Variants in NME7 observed in about 807,000 individuals in gnomAD.
NME7 encodes nucleoside diphosphate kinase 7.
A neutral mutation model predicts 49.1 loss-of-function variants in NME7; 41 were observed. The observed-to-expected ratio is 0.83, with a 90% CI of 0.65 to 1.08. NME7 has a LOEUF of 1.08. NME7 is among the 50% of genes least tolerant of loss of function. The pLI is 0.00. For missense variants in NME7, 423 were observed against 463.4 expected, an observed-to-expected ratio of 0.91 and a Z score of 0.80; for synonymous variants, 139 against 150.6, an observed-to-expected ratio of 0.92 and a Z score of 0.56.
intron 4 of NME7, 168 bp from the exon 5 acceptor site, chr1:169,303,363 T>A (rs1329725073): frequency 8.4e-6 from 3 of 355,226 alleles, no homozygotes; most frequent in South Asian, 1.7e-4. Flanking sequence ...TTTAAAATAT[T>A]TTTTAAGTAT....
At chr1:169,263,891 T>C (rs1410228654) in intron 7 of NME7, among the ~76,000 whole-genome samples, 2 of 132,972 alleles carry the variant, frequency 1.5e-5, no homozygotes, top group Non-Finnish European at 3.5e-5. Context: ...ATCAGAATAA[T>C]AGTGTACCTA....
chr1:169,270,262 C>T (rs1649448450), intron 7 of NME7, among the ~76,000 whole-genome samples: 1 of 133,884 alleles, frequency 7.5e-6, no homozygotes, highest in Admixed American at 7.4e-5. Flanking sequence ...AAATTTCTAA[C>T]AAAATTTCAG....
At chr1:169,285,047 A>C (rs1650217570) in intron 7 of NME7, 1 of 152,142 alleles carries the variant, frequency 6.6e-6, no homozygotes, top group Non-Finnish European at 1.5e-5. Flanking sequence ...ATGTATATGT[A>C]CACAAATATA....
chr1:169,200,062 T>C (rs1660503619), intron 10 of NME7, among the ~76,000 whole-genome samples: 1 of 150,630 alleles, frequency 6.6e-6, no homozygotes, highest in Non-Finnish European at 1.5e-5. Flanking sequence ...AGCACCCTGC[T>C]AGGTTACAAA....
chr1:169,281,426 T>A (rs557633718), intron 7 of NME7, among the ~76,000 whole-genome samples: 1 of 152,352 alleles, frequency 6.6e-6, no homozygotes, highest in South Asian at 2.1e-4. Flanking sequence ...CTTCTCTTCC[T>A]ATCTGAATAC....
At chr1:169,221,278 T>C (rs1005030866) in intron 10 of NME7, among the ~76,000 whole-genome samples, 3 of 152,224 alleles carry the variant, frequency 2.0e-5, no homozygotes, top group Non-Finnish European at 4.4e-5. Context: ...CTAGTAACAA[T>C]GATTCTTTTA....
intron 1 of NME7, among the ~76,000 whole-genome samples, chr1:169,343,413 A>G (rs540618258): frequency 6.6e-6 from 1 of 151,958 alleles, no homozygotes; most frequent in Non-Finnish European, 1.5e-5. Context: ...TCAATTTACC[A>G]TGAAGGGTTT....
chr1:169,155,754 A>T (rs1659048431), intron 11 of NME7, among the ~76,000 whole-genome samples: 1 of 139,162 alleles, frequency 7.2e-6, no homozygotes. Flanking sequence ...GGGTTTTATT[A>T]CTGTTTAGTT....
intron 7 of NME7, chr1:169,285,928 A>C (rs925116649): frequency 1.3e-5 from 2 of 152,200 alleles, no homozygotes; most frequent in African/African-American, 4.8e-5. Flanking sequence ...CCAGAGGAAA[A>C]GATTAGAGAT....
At chr1:169,354,180 T>C (rs1315727001) in intron 1 of NME7, among the ~76,000 whole-genome samples, 3 of 152,122 alleles carry the variant, frequency 2.0e-5, no homozygotes. Context: ...AAGGAAAATA[T>C]GGTACATATA....
intron 11 of NME7, among the ~76,000 whole-genome samples, chr1:169,152,515 T>C (rs1437032831): frequency 2.0e-5 from 3 of 152,170 alleles, no homozygotes; most frequent in Admixed American, 6.5e-5. Context: ...ATGATCATCA[T>C]TGCTTTTATT....
intron 7 of NME7, among the ~76,000 whole-genome samples, chr1:169,277,138 G>A (rs1288021341): frequency 6.6e-6 from 1 of 150,522 alleles, no homozygotes; most frequent in African/African-American, 2.4e-5. Context: ...TAGGTGTGGG[G>A]TGGTGCTGAA....
chr1:169,359,812 A>G (rs1365309445), intron 1 of NME7, among the ~76,000 whole-genome samples: 1 of 152,166 alleles, frequency 6.6e-6, no homozygotes, highest in Non-Finnish European at 1.5e-5. Context: ...GAGTATAGAA[A>G]TATGAAGAAG....
At chr1:169,364,480 A>G (rs1459800162) in intron 1 of NME7, among the ~76,000 whole-genome samples, 2 of 152,050 alleles carry the variant, frequency 1.3e-5, no homozygotes, top group African/African-American at 2.4e-5. Context: ...TCTTGGCCTC[A>G]AGCAATCCTC....
chr1:169,324,575 A>G (rs1218607570), intron 1 of NME7, 75 bp from the exon 2 acceptor site: 1 of 886,938 alleles, frequency 1.1e-6, no homozygotes, highest in Non-Finnish European at 1.8e-6. Context: ...ACACAAAATG[A>G]AATTACCAAT....
At position 169,326,589 on chromosome 1, in the gene NME7, G is replaced by A. The variant is rs36023090; in HGVS notation, c.4-2089C>T. Among the ~76,000 whole-genome samples, 8,364 of 152,232 alleles carry A rather than the reference G, an allele frequency of 0.055. 1,378 individuals are homozygous for A. In the East Asian group the frequency reaches 0.66, roughly 12 times the overall value. ...CAAAAGTGAGCTGAAACCTGTGCTT[G>A]TTCAGTAGAGCTTTTGGAAACGAAC... On this transcript the variant is annotated intron_variant, in intron 1 of 11. Coordinates refer to ENST00000367811, the MANE Select transcript of NME7 (RefSeq NM_013330.5).
intron 11 of NME7, among the ~76,000 whole-genome samples, chr1:169,140,506 T>A (rs1490508422): frequency 6.6e-6 from 1 of 152,142 alleles, no homozygotes; most frequent in Non-Finnish European, 1.5e-5. Context: ...AATACTTTTT[T>A]AAAAAGGACA....
chr1:169,314,065 A>C (rs1277628538), intron 3 of NME7, among the ~76,000 whole-genome samples: 2 of 108,126 alleles, frequency 1.8e-5, no homozygotes, highest in Non-Finnish European at 4.5e-5. Context: ...TTTTCAGATG[A>C]GTGCAAACTG....
At position 169,275,890 on chromosome 1, in the gene NME7, C is replaced by G. The variant is rs1387799676; in HGVS notation, c.754+11413G>C. Among the ~76,000 whole-genome samples, 4 of 133,388 alleles carry G rather than the reference C, an allele frequency of 3.0e-5. 2 individuals carry two copies. The highest frequency in any genetic ancestry group is 7.0e-5 in the Non-Finnish European group (4 of 56,760). 87.5% of individuals were successfully genotyped at this position (133,388 alleles called of 152,430 possible). ...TACCTAATTTATTGAGAGTTTTTAG[C>G]ATGAAGGGTTGTTGAATTTTGTCAA... On this transcript the variant is annotated intron_variant, in intron 7 of 11. Coordinates refer to ENST00000367811, the MANE Select transcript of NME7 (RefSeq NM_013330.5).
Sources: gnomAD v4.1 joint callset for allele counts (sites outside exome capture counted in the v4.1 genomes callset) on GRCh38, gnomAD v4.1.1 for gene constraint, MANE v1.5 for transcripts, NCBI Gene and HGNC (gene_info 2026-07-23, HGNC 2026-07-21) for gene names.